The following KCNQ1 variants were observed in gnomAD, a reference collection of about 807,000 sequenced individuals.
KCNQ1 encodes the protein potassium voltage-gated channel subfamily KQT member 1.
In KCNQ1, 49 loss-of-function variants were observed where a neutral mutation model predicts 72.4. The observed-to-expected ratio is 0.68, with a 90% CI of 0.54 to 0.86. The LOEUF (loss-of-function observed/expected upper bound fraction) is 0.86. Among genes scored for constraint, KCNQ1 ranks in the 40% least tolerant of loss-of-function variants. The pLI is 0.00. For synonymous variants in KCNQ1, 450 were observed against 412.6 expected (o/e 1.09, Z -1.10); for missense variants, 790 against 945.1 (o/e 0.84, Z 2.15).
chr11:2,733,812 A>ACT (rs1564875290), intron 11 of KCNQ1, among the ~76,000 whole-genome samples: 16 of 87,770 alleles, frequency 1.8e-4, no homozygotes, highest in Non-Finnish European at 3.3e-4. Flanking sequence ...ACACACACAC[A>ACT]CACTCTCTCA....
intron 11 of KCNQ1, chr11:2,680,263 C>T (rs1387048278): frequency 2.5e-6 from 1 of 396,086 alleles, no homozygotes; most frequent in Non-Finnish European, 4.4e-6. Context: ...ATCCCATTGG[C>T]ATTTGTTATT....
Position 2,623,499 on chromosome 11 carries a change from C to T in KCNQ1, c.1393+34645C>T. Reference sequence around the variant, plus strand: ...CCATAGCATTGCCTTTTCTAAAATGCAATATGATTGGAATCATACAGTATG... The same window carrying T: ...CCATAGCATTGCCTTTTCTAAAATGTAATATGATTGGAATCATACAGTATG... On this transcript the variant is annotated intron_variant, in intron 10 of 15. Coordinates refer to ENST00000155840, the MANE Select transcript of KCNQ1 (RefSeq NM_000218.3). This position sits in a 1 kb window ranked among gnomAD's most constrained non-coding sequence, Gnocchi z 5.2. 5.0e-6 allele frequency: 2 copies of T among 398,590 alleles called. No homozygotes were observed. Among genetic ancestry groups the T allele is most frequent in the Non-Finnish European group, 8.8e-6 (2 of 226,060 alleles). The allele number at this position is 398,590 out of a possible 1,614,324, so 24.7% of individuals were successfully genotyped here. A position where few individuals can be genotyped will look rare whatever the true frequency, so the allele number is the denominator to read the frequency against.
chr11:2,529,107 T>C (rs1443481626), intron 2 of KCNQ1, among the ~76,000 whole-genome samples: 2 of 152,158 alleles, frequency 1.3e-5, no homozygotes, highest in African/African-American at 4.8e-5. Context: ...CCCAGCACTA[T>C]GTTTTCCACA....
chr11:2,506,308 C>T (rs1212890220), intron 1 of KCNQ1, among the ~76,000 whole-genome samples: 1 of 152,160 alleles, frequency 6.6e-6, no homozygotes, highest in Non-Finnish European at 1.5e-5. Context: ...AAAGACTATA[C>T]GTGAACTTTT....
At chr11:2,655,056 C>A (rs946086067) in intron 10 of KCNQ1, 1 of 398,600 alleles carries the variant, frequency 2.5e-6, no homozygotes, top group Non-Finnish European at 4.4e-6. Flanking sequence ...GGATCTGTTT[C>A]CTTCTAGTCT....
At chr11:2,847,667 G>A (rs1303136339) in intron 15 of KCNQ1, 100 bp from the exon 16 acceptor site, 20 of 1,115,978 alleles carry the variant, frequency 1.8e-5, no homozygotes, top group Non-Finnish European at 2.6e-5. Flanking sequence ...AGAGACGGTT[G>A]GCACCTTCCC....
Position 2,587,558 on chromosome 11 carries a change from G to C in KCNQ1, c.1129-12G>C, listed in dbSNP as rs536655524. Reference sequence around the variant, plus strand: ...TCAGCAGGTGACAGCCTGTCCCCCTGCCCGACCTCAGACCGCATGGAGGTG... The same window carrying C: ...TCAGCAGGTGACAGCCTGTCCCCCTCCCCGACCTCAGACCGCATGGAGGTG... On this transcript the variant is annotated splice_polypyrimidine_tract_variant and intron_variant, in intron 8 of 15. Transcript: ENST00000155840. The C allele has an allele frequency of 6.2e-7, 1 of 1,613,574 alleles. No homozygotes were observed. Among genetic ancestry groups the C allele is most frequent in the South Asian group, 1.1e-5 (1 of 91,088 alleles).
intron 10 of KCNQ1, chr11:2,625,043 G>A (rs763834813): frequency 3.0e-4 from 119 of 398,430 alleles, no homozygotes; most frequent in Middle Eastern, 6.2e-4. Flanking sequence ...CACTACAATC[G>A]TGGGTATACA....
At position 2,458,453 on chromosome 11, in the gene KCNQ1, G is replaced by A. The variant is rs1176330278; in HGVS notation, c.386+12969G>A. ...GAAACCCAGTAGCTGATGGGGTTGC[G>A]TCCTTCTTTGGGACTCCCGCAGATG... On this transcript the variant is annotated intron_variant, in intron 1 of 15. Transcript: ENST00000155840. The surrounding 1 kb of genome is among the most constrained non-coding windows in gnomAD (Gnocchi z 4.6). 3.3e-5 allele frequency among the ~76,000 whole-genome samples: 5 copies of A among 152,208 alleles called. No homozygotes were observed. The highest frequency in any genetic ancestry group is 9.6e-5 in the African/African-American group (4 of 41,454).
chr11:2,545,003 T>C (rs1847886147), intron 2 of KCNQ1, among the ~76,000 whole-genome samples: 1 of 152,240 alleles, frequency 6.6e-6, no homozygotes, highest in East Asian at 1.9e-4. Context: ...TTAATATGAA[T>C]GGGTGTTAAA....
chr11:2,564,245 C>A lies in KCNQ1; in HGVS notation c.478-6383C>A, dbSNP rs1461379015. Among the ~76,000 whole-genome samples, 1 of 152,178 alleles carries A rather than the reference C, an allele frequency of 6.6e-6. No homozygotes were observed. Among genetic ancestry groups the A allele is most frequent in the Non-Finnish European group, 1.5e-5 (1 of 68,032 alleles). On this transcript the variant is annotated intron_variant, in intron 2 of 15. Coordinates refer to ENST00000155840, the MANE Select transcript of KCNQ1 (RefSeq NM_000218.3). The surrounding 1 kb of genome is among the most constrained non-coding windows in gnomAD (Gnocchi z 4.5). ...TTTTTCATCACCTCAAAAGGAAAAC[C>A]ATCCCCATTGCCCTTCTCCTAGTTC... is the stretch of plus-strand genomic sequence containing the variant.
At chr11:2,796,918 A>G (rs559543965) in intron 15 of KCNQ1, among the ~76,000 whole-genome samples, 14 of 152,312 alleles carry the variant, frequency 9.2e-5, no homozygotes, top group African/African-American at 3.4e-4. Flanking sequence ...CCGACCGTAA[A>G]TGGTTTCTGT....
rs192021272 is a variant in KCNQ1, at chr11:2,671,384, T to A, written c.1514+9303T>A. ...ATCCTGAAAAAGGTACAGGAACACCTGGCATGCCTCTCCCAGGGTACTCTG... is the reference window on the plus strand; with the variant it reads ...ATCCTGAAAAAGGTACAGGAACACCAGGCATGCCTCTCCCAGGGTACTCTG... On this transcript the variant is annotated intron_variant, in intron 11 of 15. Transcript: ENST00000155840. The surrounding 1 kb of genome is among the most constrained non-coding windows in gnomAD (Gnocchi z 4.7). 1.0e-4 allele frequency: 41 copies of A among 398,556 alleles called. 1 individual carries two copies. The highest frequency in any genetic ancestry group is 3.5e-4 in the Admixed American group (8 of 22,740). 24.7% of individuals were successfully genotyped at this position (398,556 alleles called of 1,614,324 possible).
At chr11:2,694,532 G>A (rs1054639184) in intron 11 of KCNQ1, 1 of 398,692 alleles carries the variant, frequency 2.5e-6, no homozygotes, top group Admixed American at 4.4e-5. Context: ...CAAGGGGTCA[G>A]ATTTTGACAT....
chr11:2,681,056 C>A (rs1167951395), intron 11 of KCNQ1: 5 of 398,440 alleles, frequency 1.3e-5, no homozygotes, highest in South Asian at 1.3e-4. Context: ...ATGTGGGCTC[C>A]AAAAAGAGAC....
intron 1 of KCNQ1, among the ~76,000 whole-genome samples, chr11:2,455,313 T>C (rs999068808): frequency 1.3e-5 from 2 of 151,568 alleles, no homozygotes; most frequent in East Asian, 1.9e-4. Context: ...TTAGCCAGGA[T>C]GGTCTTGATC....
At chr11:2,466,018 C>A (rs1400769066) in intron 1 of KCNQ1, among the ~76,000 whole-genome samples, 2 of 152,218 alleles carry the variant, frequency 1.3e-5, no homozygotes, top group East Asian at 1.9e-4. Flanking sequence ...CCTTCAGGGC[C>A]TGCATGAGTG....
At chr11:2,792,469 G>A (rs557887130) in intron 15 of KCNQ1, among the ~76,000 whole-genome samples, 13 of 152,338 alleles carry the variant, frequency 8.5e-5, no homozygotes, top group African/African-American at 2.9e-4. Flanking sequence ...GGACGGGGCC[G>A]TGACCCCTCC....
intron 15 of KCNQ1, among the ~76,000 whole-genome samples, chr11:2,780,001 A>G (rs1846792694): frequency 6.6e-6 from 1 of 152,204 alleles, no homozygotes. Flanking sequence ...CGGGGCCACG[A>G]GGATTCTGGT....
Sources: allele counts gnomAD v4.1 joint callset (sites outside exome capture counted in the v4.1 genomes callset), GRCh38; gene constraint gnomAD v4.1.1; non-coding constraint Gnocchi (gnomAD v3.1); transcripts MANE v1.5; gene names NCBI Gene and HGNC (gene_info 2026-07-23, HGNC 2026-07-21).